PTGFRN: variants seen among roughly 807,000 people sequenced by gnomAD.
The protein encoded by PTGFRN is prostaglandin F2 receptor negative regulator.
A neutral mutation model predicts 83.2 loss-of-function variants in PTGFRN; 35 were observed. That is an observed-to-expected ratio of 0.42 (90% CI 0.32 to 0.56). The LOEUF (loss-of-function observed/expected upper bound fraction) is 0.56, where lower values mean the gene tolerates loss of function less well. PTGFRN is among the 20% of genes least tolerant of loss of function. The pLI, the probability that PTGFRN is intolerant of heterozygous loss-of-function variation, is 0.11. For missense variants in PTGFRN, 1,051 were observed against 1,179.5 expected, an observed-to-expected ratio of 0.89 and a Z score of 1.60; for synonymous variants, 519 against 498.6, an observed-to-expected ratio of 1.04 and a Z score of -0.55.
Position 116,945,082 on chromosome 1 carries a change from C to G in PTGFRN, c.822C>G (p.Ile274Met). ...EKAVEVATVV[I>M]QPSVLRAAVP... is the part of the protein sequence containing the mutation. ...CCGTGGAAGTTGCCACCGTGGTGAT[C>G]CAGCCATCAGGTGAGCTGGAAACGA... is the stretch of plus-strand genomic sequence containing the variant. Residue 274 changes from isoleucine (I) to methionine (M), a missense_variant, in exon 3 of 9, where the codon ATC becomes ATG. Coordinates refer to ENST00000393203, the MANE Select transcript of PTGFRN (RefSeq NM_020440.4). The G allele has an allele frequency of 1.2e-6, 2 of 1,612,202 alleles. No individual in the cohort carries two copies. Among genetic ancestry groups the G allele is most frequent in the Non-Finnish European group, 8.5e-7 (1 of 1,179,100 alleles).
chr1:116,956,479 A>C (rs764278930), intron 4 of PTGFRN, among the ~76,000 whole-genome samples: 1 of 152,238 alleles, frequency 6.6e-6, no homozygotes, highest in Non-Finnish European at 1.5e-5. Flanking sequence ...AGAATGGAGT[A>C]GAATGAAAGA....
intron 4 of PTGFRN, among the ~76,000 whole-genome samples, chr1:116,954,601 T>G (rs958138549): frequency 2.6e-5 from 4 of 152,150 alleles, no homozygotes; most frequent in Non-Finnish European, 5.9e-5. Flanking sequence ...GATTAGTGCT[T>G]CAGCTGTTGT....
rs1330699055 is a variant in PTGFRN at position 116,976,491 on chromosome 1, C to G, written c.2167+2168C>G. Among the ~76,000 whole-genome samples, 5 of 152,312 alleles carry G rather than the reference C, an allele frequency of 3.3e-5. No homozygotes were observed. The East Asian group carries it at 9.7e-4, about 29-fold the overall frequency. On this transcript the variant is annotated intron_variant, in intron 7 of 8. Coordinates refer to ENST00000393203, the MANE Select transcript of PTGFRN (RefSeq NM_020440.4). ...CCAGAGAGAAAGGTTGGGTTACCCA[C>G]AAAGGGAAGCCCATCAGATTAACAG...
intron 6 of PTGFRN, among the ~76,000 whole-genome samples, chr1:116,970,379 G>T (rs368508201): frequency 8.0e-4 from 122 of 151,932 alleles, no homozygotes; most frequent in African/African-American, 2.8e-3. Context: ...CTTTTTCTCT[G>T]TCTGTTGAGA....
At chr1:116,980,258 T>A (rs926211831) in intron 7 of PTGFRN, among the ~76,000 whole-genome samples, 3 of 152,314 alleles carry the variant, frequency 2.0e-5, no homozygotes, top group East Asian at 1.9e-4. Context: ...ACTTTTACAC[T>A]GTTGGTGAGA....
chr1:116,932,624 A>AT (rs142133694), intron 1 of PTGFRN, among the ~76,000 whole-genome samples: 22,334 of 152,122 alleles, frequency 0.15, 2,859 homozygotes, highest in African/African-American at 0.35. Context: ...AGTTTCTTCT[A>AT]TTCTCTCATC....
chr1:116,967,038 T>C lies in PTGFRN; in HGVS notation c.1767T>C (p.Ala589=). 6.2e-7 allele frequency: 1 copy of C among 1,614,242 alleles called. No individual in the cohort carries two copies. The highest frequency in any genetic ancestry group is 8.5e-7 in the Non-Finnish European group (1 of 1,180,040). The change falls in exon 6 of 9, where the codon GCT becomes GCC. Residue 589 remains alanine (A), a synonymous_variant. Transcript: ENST00000393203. ...CACGCTACTCTGTTCTCATCATGGC[T>C]GAGAAGCCTGTCGGCGACCTCTCCA... ...KSPRYSVLIM[A]EKPVGDLSSP...
chr1:116,939,884 C>T (rs1016551270), intron 1 of PTGFRN, among the ~76,000 whole-genome samples: 3 of 152,284 alleles, frequency 2.0e-5, no homozygotes, highest in South Asian at 2.1e-4. Flanking sequence ...GTCTCTAGGG[C>T]AGGGGCAAAA....
chr1:116,975,572 C>T (rs12069315), intron 7 of PTGFRN, among the ~76,000 whole-genome samples: 17 of 152,218 alleles, frequency 1.1e-4, no homozygotes, highest in African/African-American at 3.4e-4. Flanking sequence ...CAGCAATATT[C>T]GCTGTTCTAC....
At position 116,949,382 on chromosome 1, in the gene PTGFRN, C is replaced by T. The variant is rs924102532; in HGVS notation, c.1023C>T (p.His341=). 1.1e-5 allele frequency: 17 copies of T among 1,614,144 alleles called. No individual in the cohort carries two copies. Among genetic ancestry groups the T allele is most frequent in the Non-Finnish European group, 1.4e-5 (17 of 1,180,052 alleles). The part of the protein sequence containing the change: ...LARLDRDSLV[H]SSPHVALSHV... ...GGCTTGACCGTGATTCCCTGGTGCACAGCTCGCCTCATGTTGCTTTGAGTC... is the reference window on the plus strand; with the variant it reads ...GGCTTGACCGTGATTCCCTGGTGCATAGCTCGCCTCATGTTGCTTTGAGTC... Residue 341 remains histidine (H), a synonymous_variant, in exon 4 of 9, where the codon CAC becomes CAT. Transcript: ENST00000393203.
At chr1:116,940,775 C>T (rs370141093) in intron 1 of PTGFRN, among the ~76,000 whole-genome samples, 6 of 152,200 alleles carry the variant, frequency 3.9e-5, no homozygotes, top group African/African-American at 1.4e-4. Context: ...CATGCTTTCT[C>T]TTTTATATGT....
At chr1:116,945,283 G>T (rs1037994623) in intron 3 of PTGFRN, among the ~76,000 whole-genome samples, 191 bp downstream of exon 3, 7 of 152,126 alleles carry the variant, frequency 4.6e-5, no homozygotes, top group African/African-American at 1.7e-4. Flanking sequence ...CATTTGTTTT[G>T]TGCTGAGGAT....
intron 7 of PTGFRN, among the ~76,000 whole-genome samples, chr1:116,979,403 G>A (rs1209916982): frequency 5.9e-5 from 9 of 152,144 alleles, no homozygotes; most frequent in African/African-American, 9.7e-5. Context: ...AAAAGAGCCC[G>A]CATTGCCAAG....
At chr1:116,945,578 A>G (rs1419367383) in intron 3 of PTGFRN, among the ~76,000 whole-genome samples, 1 of 151,934 alleles carries the variant, frequency 6.6e-6, no homozygotes, top group Non-Finnish European at 1.5e-5. Context: ...TCTAACTTGT[A>G]TCCTCTAGGC....
intron 7 of PTGFRN, among the ~76,000 whole-genome samples, chr1:116,977,470 T>C (rs1419515183): frequency 6.6e-6 from 1 of 152,206 alleles, no homozygotes. Flanking sequence ...TCCAAAATAG[T>C]TGGAAGTAAA....
intron 4 of PTGFRN, among the ~76,000 whole-genome samples, chr1:116,954,406 A>C (rs1185787506): frequency 2.0e-5 from 3 of 152,160 alleles, no homozygotes; most frequent in African/African-American, 7.2e-5. Context: ...CGATTGGTCA[A>C]TATGCTCAGC....
chr1:116,921,668 T>C (rs1649540073), intron 1 of PTGFRN, among the ~76,000 whole-genome samples: 1 of 152,022 alleles, frequency 6.6e-6, no homozygotes, highest in African/African-American at 2.4e-5. Context: ...ATTAAGGGAA[T>C]ATTGACTCTG....
chr1:116,936,126 G>T (rs912166705), intron 1 of PTGFRN, among the ~76,000 whole-genome samples: 3 of 152,074 alleles, frequency 2.0e-5, no homozygotes, highest in Non-Finnish European at 2.9e-5. Context: ...GTTACAAAAG[G>T]TTTTGACAAA....
chr1:116,930,694 T>C (rs1428206239), intron 1 of PTGFRN, among the ~76,000 whole-genome samples: 2 of 152,192 alleles, frequency 1.3e-5, no homozygotes, highest in African/African-American at 4.8e-5. Flanking sequence ...CTTGTTTTCA[T>C]TATTATTACC....
Sources: gnomAD v4.1 joint callset for allele counts (sites outside exome capture counted in the v4.1 genomes callset) on GRCh38, gnomAD v4.1.1 for gene constraint, MANE v1.5 for transcripts, NCBI Gene and HGNC (gene_info 2026-07-23, HGNC 2026-07-21) for gene names.